C10orf105: variants seen among roughly 807,000 people sequenced by gnomAD.
C10orf105 encodes chromosome 10 open reading frame 105.
A neutral mutation model predicts 0.6 loss-of-function variants in C10orf105; 2 were observed. The observed-to-expected ratio is 3.18, with a 90% CI of 1.30 to 10.01. The LOEUF (loss-of-function observed/expected upper bound fraction) is 10.01, where lower values mean the gene tolerates loss of function less well. Ranked by LOEUF, C10orf105 falls within the 30% of genes most tolerant of loss-of-function variation. The pLI is 0.04. For missense variants in C10orf105, 209 were observed against 191.4 expected, an observed-to-expected ratio of 1.09 and a Z score of -0.54; for synonymous variants, 95 against 82.4, an observed-to-expected ratio of 1.15 and a Z score of -0.83.
chr10:71,729,615 G>C (rs1249411789), intron 1 of C10orf105, among the ~76,000 whole-genome samples: 3 of 152,194 alleles, frequency 2.0e-5, no homozygotes, highest in Non-Finnish European at 4.4e-5. Flanking sequence ...AGAGCCTTAG[G>C]GGCTGGGAGC....
upstream of C10orf105, among the ~76,000 whole-genome samples, chr10:71,722,521 T>C (rs1866605706): frequency 6.6e-6 from 1 of 152,234 alleles, no homozygotes; most frequent in East Asian, 1.9e-4. Flanking sequence ...TTGACCCTAC[T>C]GTGTGCCAGG....
upstream of C10orf105, among the ~76,000 whole-genome samples, chr10:71,722,795 A>G (rs905981147): frequency 1.3e-5 from 2 of 152,220 alleles, no homozygotes; most frequent in African/African-American, 4.8e-5. Context: ...CCAGGGCAGA[A>G]GCCATGAGGC....
At chr10:71,716,441 G>T in intron 1 of C10orf105, 99 bp from the exon 2 acceptor site, 1 of 968,666 alleles carries the variant, frequency 1.0e-6, no homozygotes, top group Non-Finnish European at 1.5e-6. Flanking sequence ...TGGGGGCAAG[G>T]CACTGTTAAA....
chr10:71,725,227 C>T, intron 1 of C10orf105: 1 of 1,460,378 alleles, frequency 6.8e-7, no homozygotes, highest in Non-Finnish European at 9.6e-7. Context: ...GCTTCCTCTC[C>T]ACTGTGAATT....
chr10:71,724,162 C>G, upstream of C10orf105: 1 of 1,527,226 alleles, frequency 6.5e-7, no homozygotes, highest in East Asian at 2.5e-5. Flanking sequence ...GAGGGCAGAG[C>G]TTCTCTAGGC....
chr10:71,737,111 G>C (rs1839588417), intron 1 of C10orf105, among the ~76,000 whole-genome samples: 1 of 152,218 alleles, frequency 6.6e-6, no homozygotes, highest in South Asian at 2.1e-4. Flanking sequence ...CCTGAGAACA[G>C]TGTGATAGGT....
At chr10:71,722,957 C>T (rs949886521), upstream of C10orf105, among the ~76,000 whole-genome samples, 3 of 152,188 alleles carry the variant, frequency 2.0e-5, no homozygotes, top group Middle Eastern at 3.2e-3. Flanking sequence ...GACTCAATCT[C>T]TCTGGGCCCA....
intron 1 of C10orf105, chr10:71,734,412 C>A: frequency 6.6e-7 from 1 of 1,507,914 alleles, no homozygotes; most frequent in Non-Finnish European, 9.0e-7. Flanking sequence ...TAACCCATGT[C>A]CTCGCCAGCC....
Position 71,712,905 on chromosome 10 carries a change from G to A in C10orf105, c.*3031C>T. On this transcript the variant is annotated 3_prime_UTR_variant, in exon 2 of 2. Coordinates refer to ENST00000441508, the MANE Select transcript of C10orf105 (RefSeq NM_001164375.3). ...GGGCACATGCTCAGTGGCACCAGAG[G>A]CGGAAGCAGGTGGGGGCCCAGGGTG... 1 of 1,471,562 alleles carries A rather than the reference G, an allele frequency of 6.8e-7. No individual in the cohort carries two copies. The allele number at this position is 1,471,562 out of a possible 1,614,324, so 91.2% of individuals were successfully genotyped here. A position where few individuals can be genotyped will look rare whatever the true frequency, so the allele number is the denominator to read the frequency against.
At chr10:71,717,242 G>A (rs1320474527) in intron 1 of C10orf105, 1 of 152,262 alleles carries the variant, frequency 6.6e-6, no homozygotes, top group Non-Finnish European at 1.5e-5. Flanking sequence ...GTCACAGTAG[G>A]GTGGGGTGGG....
intron 1 of C10orf105, chr10:71,734,264 G>A (rs2132831052): frequency 1.2e-6 from 2 of 1,611,902 alleles, no homozygotes; most frequent in African/African-American, 2.7e-5. Context: ...CCAGGGCCTG[G>A]TGGACCGTGA....
At chr10:71,723,481 C>T (rs1039643754), upstream of C10orf105, among the ~76,000 whole-genome samples, 9 of 152,176 alleles carry the variant, frequency 5.9e-5, no homozygotes, top group Admixed American at 2.6e-4. Flanking sequence ...CCAGCCAGGC[C>T]GATCTGAAGC....
chr10:71,721,840 A>C (rs1303247569), upstream of C10orf105, among the ~76,000 whole-genome samples: 2 of 152,180 alleles, frequency 1.3e-5, no homozygotes, highest in Non-Finnish European at 2.9e-5. Flanking sequence ...CTGTCCCTGC[A>C]TGAGCCCTTC....
intron 1 of C10orf105, 52 bp downstream of exon 1, chr10:71,719,575 T>G (rs1021943620): frequency 2.0e-5 from 3 of 152,786 alleles, no homozygotes; most frequent in African/African-American, 7.2e-5. Flanking sequence ...AGCAAGGGTC[T>G]CCACCACACT....
chr10:71,732,534 G>T, intron 1 of C10orf105: 1 of 1,327,938 alleles, frequency 7.5e-7, no homozygotes, highest in South Asian at 1.5e-5. Flanking sequence ...TGAGAGGCTG[G>T]GGCAGGAAGA....
upstream of C10orf105, among the ~76,000 whole-genome samples, chr10:71,724,469 A>C (rs1254334716): frequency 6.6e-6 from 1 of 152,130 alleles, no homozygotes; most frequent in Non-Finnish European, 1.5e-5. Context: ...CATGCCTGTA[A>C]TTTTTTGTGC....
chr10:71,713,190 G>T lies in C10orf105; in HGVS notation c.*2746C>A. ...GCCCAGCAAGGCCCAGAACAGAGCTGCTTTCACAGAGCCCTTGGCCGAGGC... is the reference window on the plus strand; with the variant it reads ...GCCCAGCAAGGCCCAGAACAGAGCTTCTTTCACAGAGCCCTTGGCCGAGGC... On this transcript the variant is annotated 3_prime_UTR_variant, in exon 2 of 2. Transcript: ENST00000441508. The T allele has an allele frequency of 2.6e-6, 2 of 779,360 alleles. No homozygotes were observed. Among genetic ancestry groups the T allele is most frequent in the Non-Finnish European group, 4.8e-6 (2 of 417,798 alleles). 48.3% of individuals were successfully genotyped at this position (779,360 alleles called of 1,614,324 possible).
At chr10:71,736,658 C>G (rs1470035295) in intron 1 of C10orf105, among the ~76,000 whole-genome samples, 1 of 152,184 alleles carries the variant, frequency 6.6e-6, no homozygotes, top group African/African-American at 2.4e-5. Flanking sequence ...CCAGCAGCCC[C>G]CCTCACCCCT....
At chr10:71,723,909 C>T (rs560343704), upstream of C10orf105, 9 of 958,778 alleles carry the variant, frequency 9.4e-6, no homozygotes, top group Non-Finnish European at 1.3e-5. Context: ...CTCCCACACC[C>T]CCAGCCTCTG....
Sources: allele counts gnomAD v4.1 joint callset (sites outside exome capture counted in the v4.1 genomes callset), GRCh38; gene constraint gnomAD v4.1.1; transcripts MANE v1.5; gene names NCBI Gene and HGNC (gene_info 2026-07-23, HGNC 2026-07-21).